KIF7: variants seen among roughly 807,000 people sequenced by gnomAD.
The protein encoded by KIF7 is kinesin-like protein KIF7.
A neutral mutation model predicts 135.7 loss-of-function variants in KIF7; 104 were observed. That is an observed-to-expected ratio of 0.77 (90% CI 0.65 to 0.90). The LOEUF is 0.90. Among genes scored for constraint, KIF7 ranks in the 40% least tolerant of loss-of-function variants. The pLI, the probability that KIF7 is intolerant of heterozygous loss-of-function variation, is 0.00. For synonymous variants in KIF7, 883 were observed against 809.4 expected, an observed-to-expected ratio of 1.09 and a Z score of -1.54; for missense variants, 2,005 against 1,839.1, an observed-to-expected ratio of 1.09 and a Z score of -1.65.
chr15:89,652,890 G>A lies in KIF7; in HGVS notation c.41C>T (p.Ala14Val). 1.3e-6 allele frequency: 2 copies of A among 1,536,556 alleles called. No homozygotes were observed. The highest frequency in any genetic ancestry group is 1.8e-6 in the Non-Finnish European group (2 of 1,139,418). ...EAQRLPGAEEAPVRVALRVRP... is the reference protein window; with the variant it reads ...EAQRLPGAEEVPVRVALRVRP... ...AACTCGCAGGGCAACCCGCACTGGG[G>A]CCTCCTCAGCCCCTGGCAGCCTCTG... Residue 14 changes from alanine to valine, a missense_variant, in exon 2 of 19, where the codon GCC becomes GTC. Coordinates refer to ENST00000394412, the MANE Select transcript of KIF7 (RefSeq NM_198525.3).
At position 89,643,765 on chromosome 15, in the gene KIF7, G is replaced by A. The variant is rs971386897; in HGVS notation, c.2191+1248C>T. On this transcript the variant is annotated intron_variant, in intron 10 of 18. Transcript: ENST00000394412. ...CTGGTTGTGTTGGCACACGCCTGTA[G>A]TCCCAGCTACTCGAGAGGCTGAAGC... is the stretch of plus-strand genomic sequence containing the variant. Among the ~76,000 whole-genome samples the A allele has an allele frequency of 2.6e-5, 4 of 151,874 alleles. No homozygotes were observed. The South Asian group carries it at 8.3e-4, about 32-fold the overall frequency.
downstream of KIF7, among the ~76,000 whole-genome samples, chr15:89,626,344 A>G: frequency 6.6e-6 from 1 of 152,224 alleles, no homozygotes; most frequent in East Asian, 1.9e-4. Context: ...CTGCAGTCTA[A>G]GAATCTGAAC....
chr15:89,654,808 C>T (rs11637802), intron 1 of KIF7, among the ~76,000 whole-genome samples: 128,170 of 152,202 alleles, frequency 0.84, 54,483 homozygotes, highest in Non-Finnish European at 0.92. Flanking sequence ...CTTTACCCTT[C>T]AACCTCTCTC....
chr15:89,635,706 G>A lies in KIF7; in HGVS notation c.2395-1823C>T, dbSNP rs1444452283. Among the ~76,000 whole-genome samples the A allele has an allele frequency of 7.2e-5, 11 of 152,148 alleles. No individual in the cohort carries two copies. The South Asian group carries it at 8.3e-4, about 11-fold the overall frequency. ...AAGACCAAATCTACATTTGACTGGT[G>A]TACCTGAAAGTGACGGGGAGAATGG... On this transcript the variant is annotated intron_variant, in intron 11 of 18. Coordinates refer to ENST00000394412, the MANE Select transcript of KIF7 (RefSeq NM_198525.3).
At chr15:89,624,804 GTCT>G (rs1963487880), downstream of KIF7, 4 of 1,614,090 alleles carry the variant, frequency 2.5e-6, no homozygotes, top group Non-Finnish European at 3.4e-6. Flanking sequence ...ATGCTGAGAA[GTCT>G]TCTCTGTCTC....
intron 8 of KIF7, 128 bp downstream of exon 8, chr15:89,645,765 A>G (rs1227397527): frequency 3.0e-6 from 4 of 1,313,934 alleles, no homozygotes; most frequent in South Asian, 1.4e-5. Context: ...CCAGGGCAAC[A>G]TGAGGGCATC....
At chr15:89,640,153 G>C (rs1160321780) in intron 11 of KIF7, among the ~76,000 whole-genome samples, 1 of 150,996 alleles carries the variant, frequency 6.6e-6, no homozygotes, top group African/African-American at 2.4e-5. Flanking sequence ...GGGGTGGGGG[G>C]AGTGGGGAGG....
chr15:89,633,199 A>C lies in KIF7; in HGVS notation c.2660T>G (p.Phe887Cys). The change falls in exon 13 of 19, where the codon TTC (phenylalanine) becomes TGC (cysteine). Residue 887 changes from phenylalanine to cysteine, a missense_variant. Transcript: ENST00000394412. ...LKIKTEEIAA[F>C]QRKRRSGSNG... ...GCTGCCACTGCGCCTCTTCCTCTGGAATGCCGCGATCTCTTCCGTCTTAAT... is the reference window on the plus strand; with the variant it reads ...GCTGCCACTGCGCCTCTTCCTCTGGCATGCCGCGATCTCTTCCGTCTTAAT... The C allele has an allele frequency of 6.2e-7, 1 of 1,604,312 alleles. No homozygotes were observed. The highest frequency in any genetic ancestry group is 1.1e-5 in the South Asian group (1 of 90,134).
In KIF7 at chr15:89,645,390, T is replaced by C. The variant is rs1383761644; in HGVS notation, c.1984A>G (p.Lys662Glu). Residue 662 changes from lysine to glutamate, a missense_variant, in exon 9 of 19, where the codon AAG becomes GAG. Coordinates refer to ENST00000394412, the MANE Select transcript of KIF7 (RefSeq NM_198525.3). ...GARPGSLPER[K>E]GPELCLEELD... Reference sequence around the variant, plus strand: ...TCCTCAAGGCAAAGCTCTGGGCCCTTCCTCTCTGGCAGACTCCCTGGGCGT... The same window carrying C: ...TCCTCAAGGCAAAGCTCTGGGCCCTCCCTCTCTGGCAGACTCCCTGGGCGT... 7.4e-6 allele frequency: 12 copies of C among 1,613,934 alleles called. No homozygotes were observed. The highest frequency in any genetic ancestry group is 1.0e-5 in the Non-Finnish European group (12 of 1,179,960).
Position 89,648,674 on chromosome 15 carries a change from A to AGTTGAGGGT in KIF7, c.1015_1023dup (p.Thr339_Asn341dup). 2.6e-6 allele frequency: 4 copies of AGTTGAGGGT among 1,535,620 alleles called. No homozygotes were observed. The highest frequency in any genetic ancestry group is 3.5e-6 in the Non-Finnish European group (4 of 1,146,216). On this transcript the variant is annotated inframe_insertion, in exon 5 of 19. Transcript: ENST00000394412. ...CGGATGTTCTGGGCGCGGCTGGCGT[A>AGTTGAGGGT]GTTGAGGGTGTTGAGGGTCTCGTCG...
At position 89,628,678 on chromosome 15, in the gene KIF7, G is replaced by C. The variant is rs367833833; in HGVS notation, c.3773C>G (p.Ala1258Gly). Residue 1258 changes from alanine to glycine, a missense_variant, in exon 19 of 19, where the codon GCC becomes GGC. Physicochemically the swap from Ala to Gly is moderately conservative, Grantham distance 60. Transcript: ENST00000394412. The part of the protein sequence containing the change: ...LLWLSPLTEG[A>G]PRTREETRDL... ...CCGCGTCTCCTCCCGGGTGCGGGGG[G>C]CCCCCTCAGTGAGGGGGGACAGCCA... 3.7e-6 allele frequency: 6 copies of C among 1,612,858 alleles called. No homozygotes were observed. Among genetic ancestry groups the C allele is most frequent in the Non-Finnish European group, 3.4e-6 (4 of 1,179,890 alleles).
At chr15:89,648,183 G>C (rs1010508377) in intron 5 of KIF7, 72 bp downstream of exon 5, 10 of 1,390,148 alleles carry the variant, frequency 7.2e-6, no homozygotes, top group Non-Finnish European at 8.4e-6. Flanking sequence ...GCTGCTGTCT[G>C]AAGACCCTCT....
At position 89,640,824 on chromosome 15, in the gene KIF7, T is replaced by TAAA. The variant is rs10716351; in HGVS notation, c.2394+1376_2394+1378dup. Among the ~76,000 whole-genome samples, 41 of 134,610 alleles carry TAAA rather than the reference T, an allele frequency of 3.0e-4. 1 individual carries two copies. The highest frequency in any genetic ancestry group is 2.3e-3 in the Admixed American group (31 of 13,458). The allele number at this position is 134,610 out of a possible 152,430, so 88.3% of individuals were successfully genotyped here. ...AACATGGTGAAACACTGTCTCTACT[T>TAAA]AAAAAAAAAAAAAAAAAGAAAAAAA... On this transcript the variant is annotated intron_variant, in intron 11 of 18. Coordinates refer to ENST00000394412, the MANE Select transcript of KIF7 (RefSeq NM_198525.3).
intron 10 of KIF7, among the ~76,000 whole-genome samples, chr15:89,644,589 G>A (rs549316990): frequency 6.6e-6 from 1 of 152,280 alleles, no homozygotes; most frequent in Non-Finnish European, 1.5e-5. Flanking sequence ...GGAGGCTGAG[G>A]CAGGAGAATC....
At chr15:89,645,516 G>T (rs2078704620) in intron 8 of KIF7, 65 bp from the exon 9 acceptor site, 4 of 1,319,566 alleles carry the variant, frequency 3.0e-6, no homozygotes, top group Non-Finnish European at 4.3e-6. Context: ...CCACCCCCAG[G>T]CCTGGAGGGA....
At chr15:89,625,401 C>A, downstream of KIF7, 2 of 1,613,982 alleles carry the variant, frequency 1.2e-6, no homozygotes. Flanking sequence ...GTGGCGCCGG[C>A]TCCTCTTCCG....
intron 11 of KIF7, 127 bp downstream of exon 11, chr15:89,642,076 G>A (rs1453092255): frequency 3.1e-6 from 3 of 982,442 alleles, no homozygotes; most frequent in African/African-American, 1.6e-5. Flanking sequence ...ACCCTGCAGG[G>A]CCAGGGCTGG....
In KIF7 at chr15:89,628,963, G is replaced by GA. The variant is rs1567056867; in HGVS notation, c.3664+12dup. 1 of 1,613,830 alleles carries GA rather than the reference G, an allele frequency of 6.2e-7. No homozygotes were observed. The highest frequency in any genetic ancestry group is 2.2e-5 in the East Asian group (1 of 44,800). ...GGGAACAGGTCTGACTTCAGAGCGC[G>GA]ACGAGGAGTTACCCCTGCTGTGGCC... On this transcript the variant is annotated intron_variant, in intron 18 of 18. Coordinates refer to ENST00000394412, the MANE Select transcript of KIF7 (RefSeq NM_198525.3).
intron 14 of KIF7, among the ~76,000 whole-genome samples, chr15:89,632,377 CTCTT>C (rs548363868): frequency 2.6e-5 from 4 of 152,290 alleles, no homozygotes; most frequent in South Asian, 2.1e-4. Flanking sequence ...GCGGAGAAGT[CTCTT>C]TCTATTTGGC....
Sources: allele counts gnomAD v4.1 joint callset (sites outside exome capture counted in the v4.1 genomes callset), GRCh38; gene constraint gnomAD v4.1.1; transcripts MANE v1.5; gene names NCBI Gene and HGNC (gene_info 2026-07-23, HGNC 2026-07-21).